CEP104: variants seen among roughly 807,000 people sequenced by gnomAD.
CEP104 encodes centrosomal protein 104.
A neutral mutation model predicts 113.3 loss-of-function variants in CEP104; 84 were observed. The ratio of observed to expected loss-of-function variants is 0.74; its 90% CI spans 0.62 to 0.89. The LOEUF is 0.89. Among genes scored for constraint, CEP104 ranks in the 40% least tolerant of loss-of-function variants. CEP104 has a pLI of 0.00. For missense variants in CEP104, 1,053 were observed against 1,156.6 expected, an observed-to-expected ratio of 0.91 and a Z score of 1.30; for synonymous variants, 378 against 421.7, an observed-to-expected ratio of 0.90 and a Z score of 1.27.
chr1:3,845,629 C>A (rs1644493028), intron 4 of CEP104, among the ~76,000 whole-genome samples: 1 of 151,824 alleles, frequency 6.6e-6, no homozygotes. Context: ...CTGGACTTAA[C>A]CCCTTTATAA....
At chr1:3,838,620 A>C (rs2124675724) in intron 8 of CEP104, among the ~76,000 whole-genome samples, 1 of 152,286 alleles carries the variant, frequency 6.6e-6, no homozygotes, top group Non-Finnish European at 1.5e-5. Flanking sequence ...TTCTCACTTG[A>C]TCCTTACAAC....
In CEP104 at chr1:3,812,371, CAT is replaced by C. The variant is rs1557650984; in HGVS notation, c.*3029_*3030del. 1.3e-5 allele frequency: 2 copies of C among 152,026 alleles called. No homozygotes were observed. The highest frequency in any genetic ancestry group is 1.9e-4 in the East Asian group (1 of 5,200). 9.4% of individuals were successfully genotyped at this position (152,026 alleles called of 1,614,324 possible). ...AAATATTAAATATTCAGAACATACT[CAT>C]GAGTGAAAATTCAATTAATTAGTAT... On this transcript the variant is annotated 3_prime_UTR_variant, in exon 22 of 22. Coordinates refer to ENST00000378230, the MANE Select transcript of CEP104 (RefSeq NM_014704.4).
chr1:3,836,108 T>G (rs552560527), intron 10 of CEP104, among the ~76,000 whole-genome samples: 3 of 151,960 alleles, frequency 2.0e-5, no homozygotes, highest in Non-Finnish European at 4.4e-5. Flanking sequence ...GAGACCATCC[T>G]GGCTAACGTG....
At chr1:3,838,914 T>C (rs377038187) in intron 8 of CEP104, 50 bp downstream of exon 8, 38 of 1,599,772 alleles carry the variant, frequency 2.4e-5, no homozygotes, top group Non-Finnish European at 3.1e-5. Context: ...CACAGTTGAA[T>C]CTCTGTTCTC....
intron 1 of CEP104, among the ~76,000 whole-genome samples, chr1:3,853,187 T>G (rs1452090046): frequency 6.6e-6 from 1 of 152,190 alleles, no homozygotes; most frequent in East Asian, 1.9e-4. Context: ...AGCGCTAGCA[T>G]TAACAACTGC....
intron 7 of CEP104, 58 bp downstream of exon 7, chr1:3,839,549 AG>A: frequency 7.0e-7 from 1 of 1,435,830 alleles, no homozygotes; most frequent in South Asian, 1.3e-5. Flanking sequence ...AGTTATTCTA[AG>A]TATACATAAA....
At position 3,839,136 on chromosome 1, in the gene CEP104, T is replaced by A. The variant is rs1644368542; in HGVS notation, c.736-17A>T. On this transcript the variant is annotated splice_polypyrimidine_tract_variant and intron_variant, in intron 7 of 21. Coordinates refer to ENST00000378230, the MANE Select transcript of CEP104 (RefSeq NM_014704.4). Reference sequence around the variant, plus strand: ...TTCACCAACCTGAAGCACAAAATATTTGCTTTTTCTTTCAAATTTGGATCA... The same window carrying A: ...TTCACCAACCTGAAGCACAAAATATATGCTTTTTCTTTCAAATTTGGATCA... 6.2e-7 allele frequency: 1 copy of A among 1,612,056 alleles called. No homozygotes were observed. The highest frequency in any genetic ancestry group is 1.1e-5 in the South Asian group (1 of 91,042).
Position 3,819,439 on chromosome 1 carries a change from A to C in CEP104, c.2572-3069T>G, listed in dbSNP as rs1287903589. Among the ~76,000 whole-genome samples, 2 of 152,238 alleles carry C rather than the reference A, an allele frequency of 1.3e-5. No homozygotes were observed. The highest frequency in any genetic ancestry group is 2.9e-5 in the Non-Finnish European group (2 of 68,038). ...GAAAACCCACTATCTGTCCACGGGG[A>C]GAGGCTGTGCAGACTAGATCTCCAT... On this transcript the variant is annotated intron_variant, in intron 20 of 21. Coordinates refer to ENST00000378230, the MANE Select transcript of CEP104 (RefSeq NM_014704.4). The surrounding 1 kb of genome is among the most constrained non-coding windows in gnomAD (Gnocchi z 4.6).
chr1:3,817,509 C>T (rs1374095942), intron 20 of CEP104, among the ~76,000 whole-genome samples: 2 of 152,194 alleles, frequency 1.3e-5, no homozygotes, highest in African/African-American at 2.4e-5. Context: ...TACTAGAGCG[C>T]TTGCAGCCCC....
intron 10 of CEP104, among the ~76,000 whole-genome samples, chr1:3,835,617 C>T (rs544160512): frequency 5.3e-5 from 8 of 152,332 alleles, no homozygotes; most frequent in South Asian, 2.1e-4. Context: ...GTGATCCACC[C>T]GCCTTGGCCT....
chr1:3,848,227 C>A (rs1179208283), intron 3 of CEP104, among the ~76,000 whole-genome samples: 1 of 152,042 alleles, frequency 6.6e-6, no homozygotes, highest in Non-Finnish European at 1.5e-5. Flanking sequence ...AGTTAAGGGA[C>A]AATTCATTTT....
At position 3,852,306 on chromosome 1, in the gene CEP104, C is replaced by T; in HGVS notation, c.102G>A (p.Trp34Ter). ...CGTCCAGTCCTCACCTAGGTGACCG[C>T]CACCCACTGACAGTTGGCGCGTGGA... ...LMIHAPTVSG[W>*]RSPRFCQFPQ... Residue 34 changes from tryptophan (W) to a stop codon, truncating the protein, a stop_gained, in exon 2 of 22, where the codon TGG (tryptophan) becomes TGA (stop). Coordinates refer to ENST00000378230, the MANE Select transcript of CEP104 (RefSeq NM_014704.4). LOFTEE classifies it high-confidence loss of function. The T allele has an allele frequency of 6.2e-7, 1 of 1,613,728 alleles. No individual in the cohort carries two copies. The highest frequency in any genetic ancestry group is 8.5e-7 in the Non-Finnish European group (1 of 1,179,946).
At chr1:3,829,227 G>C (rs1490746343) in intron 15 of CEP104, 39 bp downstream of exon 15, 3 of 1,382,448 alleles carry the variant, frequency 2.2e-6, no homozygotes, top group Non-Finnish European at 3.0e-6. Context: ...ATACATTTCA[G>C]CTAAAAGCAC....
At position 3,839,095 on chromosome 1, in the gene CEP104, C is replaced by G. The variant is rs776316044; in HGVS notation, c.760G>C (p.Glu254Gln). ...QKVGERLGRYEVEKRCAVEKE... is the reference protein window; with the variant it reads ...QKVGERLGRYQVEKRCAVEKE... ...TCCACGGCACAGCGTTTCTCTACCT[C>G]ATACCTCCCAAGGCGTTCACCAACC... is the stretch of plus-strand genomic sequence containing the variant. The change falls in exon 8 of 22, where the codon GAG (glutamate) becomes CAG (glutamine). Residue 254 changes from glutamate to glutamine, a missense_variant. Coordinates refer to ENST00000378230, the MANE Select transcript of CEP104 (RefSeq NM_014704.4). The G allele has an allele frequency of 1.2e-6, 2 of 1,614,064 alleles. No homozygotes were observed. Among genetic ancestry groups the G allele is most frequent in the South Asian group, 2.2e-5 (2 of 91,074 alleles).
At chr1:3,837,238 T>C in intron 9 of CEP104, 54 bp downstream of exon 9, 1 of 1,439,918 alleles carries the variant, frequency 6.9e-7, no homozygotes, top group Non-Finnish European at 9.6e-7. Flanking sequence ...ACAACACATG[T>C]CCTTTACAAA....
In CEP104 at chr1:3,847,545, T is replaced by G. The variant is rs769119096; in HGVS notation, c.356A>C (p.Asp119Ala). The change falls in exon 4 of 22, where the codon GAT becomes GCT. Residue 119 changes from aspartate to alanine, a missense_variant. Asp to Ala is a moderately radical substitution (Grantham distance 126). Coordinates refer to ENST00000378230, the MANE Select transcript of CEP104 (RefSeq NM_014704.4). ...KARELKSVYVDAVGQFLKLIF... is the reference protein window; with the variant it reads ...KARELKSVYVAAVGQFLKLIF... ...CAGTTTAAGAAATTGTCCTACTGCA[T>G]CCACATAAACTGATTTTAGTTCCCG... 2 of 1,613,104 alleles carry G rather than the reference T, an allele frequency of 1.2e-6. No homozygotes were observed.
Position 3,823,162 on chromosome 1 carries a change from C to T in CEP104, c.2571+12G>A. The T allele has an allele frequency of 6.2e-7, 1 of 1,613,842 alleles. No homozygotes were observed. Among genetic ancestry groups the T allele is most frequent in the Non-Finnish European group, 8.5e-7 (1 of 1,179,844 alleles). ...ACCTACTTCACTGGTCCCTTCTCCC[C>T]AGGCCCCTCACCTCTTCTCCAGGGC... On this transcript the variant is annotated intron_variant, in intron 20 of 21. Coordinates refer to ENST00000378230, the MANE Select transcript of CEP104 (RefSeq NM_014704.4). This position sits in a 1 kb window ranked among gnomAD's most constrained non-coding sequence, Gnocchi z 4.1.
At chr1:3,843,372 T>C in intron 6 of CEP104, 1 of 468,520 alleles carries the variant, frequency 2.1e-6, no homozygotes, top group South Asian at 3.0e-5. Context: ...GAAAAATATG[T>C]ATAATTTTTT....
chr1:3,817,159 C>T (rs1298301898), intron 20 of CEP104, among the ~76,000 whole-genome samples: 18 of 152,074 alleles, frequency 1.2e-4, no homozygotes, highest in African/African-American at 3.6e-4. Context: ...GGTGAAACCC[C>T]GTCTCTACTA....
Sources: allele counts gnomAD v4.1 joint callset (sites outside exome capture counted in the v4.1 genomes callset), GRCh38; gene constraint gnomAD v4.1.1; non-coding constraint Gnocchi (gnomAD v3.1); transcripts MANE v1.5; gene names NCBI Gene and HGNC (gene_info 2026-07-23, HGNC 2026-07-21).